Variants in MATN2 observed in about 807,000 individuals in gnomAD.
The protein encoded by MATN2 is matrilin 2, also known as matrilin-2.
In MATN2, 69 loss-of-function variants were observed where a neutral mutation model predicts 103.2. The observed-to-expected ratio is 0.67, with a 90% confidence interval of 0.55 to 0.82. The LOEUF (loss-of-function observed/expected upper bound fraction) is 0.82. Ranked by LOEUF, MATN2 falls within the 40% of genes least tolerant of loss-of-function variation. MATN2 has a pLI of 0.00. For synonymous variants in MATN2, 429 were observed against 450.2 expected (o/e 0.95, Z 0.60); for missense variants, 1,023 against 1,211.5 (o/e 0.84, Z 2.31).
chr8:98,007,143 C>T lies in MATN2; in HGVS notation c.1366C>T (p.Gln456Ter), dbSNP rs1400866382. ...HCAQQDHGCE[Q>*]LCLNTEDSFV... is the part of the protein sequence containing the mutation. ...TGCACAGCAGGACCATGGCTGTGAG[C>T]AGCTGTGTCTGAACACGGAGGATTC... The change falls in exon 9 of 19, where the codon CAG (glutamine) becomes TAG (stop). Residue 456 changes from glutamine to a stop codon, truncating the protein, a stop_gained. Coordinates refer to ENST00000254898, the MANE Select transcript of MATN2 (RefSeq NM_002380.5). LOFTEE classifies it high-confidence loss of function. This position sits in a 1 kb window ranked among gnomAD's most constrained non-coding sequence, Gnocchi z 4.2. The T allele has an allele frequency of 1.2e-6, 2 of 1,613,028 alleles. No individual in the cohort carries two copies. The highest frequency in any genetic ancestry group is 1.1e-5 in the South Asian group (1 of 90,858).
rs1435434421 is a variant in MATN2 at position 97,961,585 on chromosome 8, G to A, written c.958+55G>A. 2.6e-6 allele frequency: 4 copies of A among 1,531,092 alleles called. No homozygotes were observed. In the African/African-American group the frequency reaches 4.1e-5, roughly 16 times the overall value. The allele number at this position is 1,531,092 out of a possible 1,614,324, so 94.8% of individuals were successfully genotyped here. A position where few individuals can be genotyped will look rare whatever the true frequency, so the allele number is the denominator to read the frequency against. ...GGAAGGACAAGTTAAGCATGGTGAG[G>A]AGGAGGGGAGACTCACGTGTACCTC... is the stretch of plus-strand genomic sequence containing the variant. On this transcript the variant is annotated intron_variant, in intron 5 of 18. Transcript: ENST00000254898.
chr8:97,981,245 T>C (rs944457685), intron 6 of MATN2, among the ~76,000 whole-genome samples: 4 of 151,864 alleles, frequency 2.6e-5, no homozygotes, highest in Non-Finnish European at 5.9e-5. Flanking sequence ...TTATTATCAT[T>C]ATGTTTTTTT....
intron 2 of MATN2, among the ~76,000 whole-genome samples, chr8:97,908,580 A>G (rs1396479485): frequency 6.6e-6 from 1 of 152,158 alleles, no homozygotes; most frequent in Non-Finnish European, 1.5e-5. Context: ...TCTTTTATTT[A>G]CCTATTTGAC....
chr8:97,956,094 G>A (rs1399346191), intron 4 of MATN2, among the ~76,000 whole-genome samples: 8 of 152,248 alleles, frequency 5.3e-5, no homozygotes, highest in African/African-American at 1.9e-4. Flanking sequence ...AGCCCTGGCA[G>A]TGTTACGCCT....
intron 6 of MATN2, among the ~76,000 whole-genome samples, chr8:97,984,102 T>G (rs1049626490): frequency 3.3e-5 from 5 of 152,200 alleles, no homozygotes; most frequent in Non-Finnish European, 7.3e-5. Context: ...ATCAAACACT[T>G]TCAGCTGGAA....
chr8:97,963,923 T>C (rs548958320), intron 5 of MATN2, among the ~76,000 whole-genome samples: 1 of 152,320 alleles, frequency 6.6e-6, no homozygotes, highest in Admixed American at 6.5e-5. Context: ...CAAGGTTAGT[T>C]GCTGCTCAAT....
intron 14 of MATN2, among the ~76,000 whole-genome samples, chr8:98,028,824 T>G (rs1041362322): frequency 1.1e-4 from 16 of 152,120 alleles, no homozygotes; most frequent in African/African-American, 3.9e-4. Context: ...CCTGACCTCA[T>G]GATCCACCCA....
chr8:97,871,341 G>A (rs1410601243), intron 1 of MATN2, among the ~76,000 whole-genome samples: 1 of 152,218 alleles, frequency 6.6e-6, no homozygotes, highest in African/African-American at 2.4e-5. Context: ...ACCGGCTTAG[G>A]CCTCAGGAAA....
At chr8:98,024,008 G>A (rs983862359) in intron 13 of MATN2, among the ~76,000 whole-genome samples, 11 of 152,160 alleles carry the variant, frequency 7.2e-5, no homozygotes, top group African/African-American at 2.7e-4. Context: ...CATGGACACA[G>A]GGAGGGGAAC....
At chr8:98,023,931 A>C (rs1422880887) in intron 13 of MATN2, among the ~76,000 whole-genome samples, 2 of 152,224 alleles carry the variant, frequency 1.3e-5, no homozygotes, top group African/African-American at 2.4e-5. Context: ...TCAGCAAACT[A>C]ACACAGAAAC....
rs113601469 is a variant in MATN2 at position 98,002,130 on chromosome 8, C to T, written c.1205-1531C>T. Reference sequence around the variant, plus strand: ...GTGTCCTTTTCCAGTTCTCTATCTTCCCTGGAGCCTGCTATGTGTGGGGTC... The same window carrying T: ...GTGTCCTTTTCCAGTTCTCTATCTTTCCTGGAGCCTGCTATGTGTGGGGTC... On this transcript the variant is annotated intron_variant, in intron 7 of 18. Transcript: ENST00000254898. Among the ~76,000 whole-genome samples, 182 of 152,350 alleles carry T rather than the reference C, an allele frequency of 1.2e-3. 1 individual carries two copies. The highest frequency in any genetic ancestry group is 4.2e-3 in the African/African-American group (175 of 41,584).
intron 13 of MATN2, among the ~76,000 whole-genome samples, chr8:98,021,952 T>C (rs960513493): frequency 6.6e-6 from 1 of 152,216 alleles, no homozygotes; most frequent in Non-Finnish European, 1.5e-5. Flanking sequence ...GTGTCTGAAT[T>C]GGTATAACCT....
intron 6 of MATN2, among the ~76,000 whole-genome samples, chr8:97,983,974 GA>G (rs1168889370): frequency 4.6e-5 from 7 of 152,180 alleles, no homozygotes; most frequent in Admixed American, 4.6e-4. Flanking sequence ...ATCAGCAATA[GA>G]AGAACTACAA....
At chr8:97,919,294 G>A (rs1316005300) in intron 2 of MATN2, among the ~76,000 whole-genome samples, 1 of 152,162 alleles carries the variant, frequency 6.6e-6, no homozygotes, top group Non-Finnish European at 1.5e-5. Context: ...GTGCAGTGGT[G>A]CGACCACAGC....
chr8:97,872,127 A>G (rs946444313), intron 1 of MATN2, among the ~76,000 whole-genome samples: 5 of 152,172 alleles, frequency 3.3e-5, no homozygotes, highest in African/African-American at 1.2e-4. Context: ...GCCTTGGTTT[A>G]TATCATCTGT....
At chr8:98,035,566 C>T (rs1233525870) in intron 18 of MATN2, 91 bp from the exon 19 acceptor site, 2 of 762,832 alleles carry the variant, frequency 2.6e-6, no homozygotes, top group Non-Finnish European at 4.2e-6. Context: ...TTTTAGATTT[C>T]AGAAGCCAAA....
intron 2 of MATN2, among the ~76,000 whole-genome samples, chr8:97,918,184 G>T (rs1245961953): frequency 6.6e-6 from 1 of 152,218 alleles, no homozygotes; most frequent in Non-Finnish European, 1.5e-5. Flanking sequence ...GAGTTAGGCT[G>T]TTCTGGTTAA....
intron 6 of MATN2, among the ~76,000 whole-genome samples, chr8:97,987,003 T>G (rs1304101005): frequency 2.0e-5 from 3 of 151,796 alleles, no homozygotes; most frequent in Non-Finnish European, 4.4e-5. Context: ...CAGCTAATTT[T>G]TTTTTTTTTT....
intron 7 of MATN2, among the ~76,000 whole-genome samples, 175 bp from the exon 8 acceptor site, chr8:98,003,486 C>T (rs978541278): frequency 6.6e-6 from 1 of 152,230 alleles, no homozygotes; most frequent in African/African-American, 2.4e-5. Context: ...CTGAATCTAG[C>T]TCAAGGCCTG....
Sources: allele counts gnomAD v4.1 joint callset (sites outside exome capture counted in the v4.1 genomes callset), GRCh38; gene constraint gnomAD v4.1.1; non-coding constraint Gnocchi (gnomAD v3.1); transcripts MANE v1.5; gene names NCBI Gene and HGNC (gene_info 2026-07-23, HGNC 2026-07-21).